CFAP47: variants seen among roughly 807,000 people sequenced by gnomAD.
CFAP47 encodes the protein cilia and flagella associated protein 47.
In CFAP47, 29 loss-of-function variants were observed where a neutral mutation model predicts 148.1. The ratio of observed to expected loss-of-function variants is 0.20; its 90% CI spans 0.15 to 0.27. The LOEUF is 0.27. CFAP47 is among the 10% of genes least tolerant of loss of function. CFAP47 has a pLI of 1.00. For synonymous variants in CFAP47, 664 were observed against 577.3 expected (o/e 1.15, Z -2.15); for missense variants, 1,872 against 1,697.5 (o/e 1.10, Z -1.81).
At chrX:36,063,907 T>C (rs1303578704) in intron 26 of CFAP47, among the ~76,000 whole-genome samples, 1 of 112,215 alleles carries the variant, frequency 8.9e-6, no homozygotes, top group Non-Finnish European at 1.9e-5. Context: ...ACAATTTTTG[T>C]TGTGATTGGG....
At chrX:36,067,974 A>G (rs1393112492) in intron 27 of CFAP47, among the ~76,000 whole-genome samples, 1 of 111,896 alleles carries the variant, frequency 8.9e-6, no homozygotes, top group East Asian at 2.8e-4. Flanking sequence ...TTACAGACTG[A>G]AAATTCATTC....
chrX:36,068,613 G>A (rs1937683797), intron 27 of CFAP47, among the ~76,000 whole-genome samples: 1 of 111,286 alleles, frequency 9.0e-6, no homozygotes, highest in East Asian at 2.8e-4. Flanking sequence ...AGATATATAG[G>A]GAGAGATAGA....
chrX:36,252,718 A>G (rs1940706864), intron 49 of CFAP47, among the ~76,000 whole-genome samples: 1 of 112,004 alleles, frequency 8.9e-6, no homozygotes, highest in Non-Finnish European at 1.9e-5. Flanking sequence ...TTTAATTGTC[A>G]TTGACAGTCC....
rs1188987905 is a variant in CFAP47 at position 35,960,380 on chromosome X, G to GAAAAAAAAAAAAAAAAAAAAAAAAAAAA, written c.1410+4211_1410+4212insAAAAAAAAAAAAAAAAAAAAAAAAAAAA. 2.6e-4 allele frequency among the ~76,000 whole-genome samples: 4 copies of GAAAAAAAAAAAAAAAAAAAAAAAAAAAA among 15,482 alleles called. 1 individual carries two copies. Among genetic ancestry groups the GAAAAAAAAAAAAAAAAAAAAAAAAAAAA allele is most frequent in the Non-Finnish European group, 4.4e-4 (4 of 9,115 alleles). The allele number at this position is 15,482 out of a possible 115,157, so 13.4% of individuals were successfully genotyped here. A position where few individuals can be genotyped will look rare whatever the true frequency, so the allele number is the denominator to read the frequency against. ...CTTTAACATTAGCTTGCTAATTTCT[G>GAAAAAAAAAAAAAAAAAAAAAAAAAAAA]AAAAAAAAAAAAAAAAAAAAAAAAA... On this transcript the variant is annotated intron_variant, in intron 8 of 63. Coordinates refer to ENST00000378653, the MANE Select transcript of CFAP47 (RefSeq NM_001304548.2).
At chrX:36,095,575 T>A (rs1003698821) in intron 30 of CFAP47, among the ~76,000 whole-genome samples, 1 of 111,554 alleles carries the variant, frequency 9.0e-6, no homozygotes, top group Non-Finnish European at 1.9e-5. Context: ...TATTGGTCTG[T>A]TCAGGTTTTG....
intron 57 of CFAP47, among the ~76,000 whole-genome samples, chrX:36,341,581 T>G (rs1467569011): frequency 9.0e-6 from 1 of 111,358 alleles, no homozygotes; most frequent in Non-Finnish European, 1.9e-5. Flanking sequence ...ATTAAAACAC[T>G]GTACAATTTC....
rs1935552013 is a variant in CFAP47, at chrX:35,919,992, CATA to C, written c.197_199del (p.Asn66del). On this transcript the variant is annotated inframe_deletion, in exon 1 of 64. Coordinates refer to ENST00000378653, the MANE Select transcript of CFAP47 (RefSeq NM_001304548.2). Reference sequence around the variant, plus strand: ...GGTGTACCGCCTCCCGATTACTGTGCATAATATTTGCCGCTGGAACCAGAAAAT... The same window carrying C: ...GGTGTACCGCCTCCCGATTACTGTGCATATTTGCCGCTGGAACCAGAAAAT... The C allele has an allele frequency of 7.5e-6, 9 of 1,203,581 alleles. No homozygotes were observed. The highest frequency in any genetic ancestry group is 1.0e-5 in the Non-Finnish European group (9 of 889,892).
chrX:35,954,539 A>T (rs1401749098), intron 7 of CFAP47, among the ~76,000 whole-genome samples: 1 of 111,831 alleles, frequency 8.9e-6, no homozygotes, highest in Non-Finnish European at 1.9e-5. Flanking sequence ...CAGCAATGAG[A>T]ATTCCACATT....
chrX:36,053,462 A>C (rs1015427785), intron 26 of CFAP47, among the ~76,000 whole-genome samples: 19 of 111,684 alleles, frequency 1.7e-4, no homozygotes, highest in African/African-American at 6.2e-4. Flanking sequence ...GGGATGAGTT[A>C]TGCATAATAC....
chrX:35,953,836 A>G (rs1251740775), intron 7 of CFAP47, 117 bp downstream of exon 7: 9 of 517,773 alleles, frequency 1.7e-5, no homozygotes, highest in Non-Finnish European at 2.6e-5. Context: ...AATAGAAAAA[A>G]AAGCAAACAT....
At chrX:36,374,522 C>G (rs1290207951) in intron 62 of CFAP47, among the ~76,000 whole-genome samples, 1 of 110,777 alleles carries the variant, frequency 9.0e-6, no homozygotes, top group East Asian at 2.9e-4. Flanking sequence ...TTTCTATTCT[C>G]TATTTTATTT....
At chrX:36,037,338 TTTGTTGTTGTTG>T (rs768498053) in intron 24 of CFAP47, among the ~76,000 whole-genome samples, 87 of 106,214 alleles carry the variant, frequency 8.2e-4, no homozygotes, top group African/African-American at 2.6e-3. Context: ...AACTTTACTC[TTTGTTGTTGTTG>T]TTGTTGTTGT....
At chrX:35,997,689 C>T (rs1046945165) in intron 19 of CFAP47, among the ~76,000 whole-genome samples, 1 of 111,082 alleles carries the variant, frequency 9.0e-6, no homozygotes, top group Non-Finnish European at 1.9e-5. Context: ...AACCACTTGC[C>T]TAAAATGACA....
At chrX:36,236,146 C>T (rs1940462226) in intron 47 of CFAP47, 69 bp downstream of exon 47, 1 of 364,815 alleles carries the variant, frequency 2.7e-6, no homozygotes, top group Non-Finnish European at 4.8e-6. Context: ...TAATGTATGA[C>T]ATTAGTCTTT....
intron 48 of CFAP47, among the ~76,000 whole-genome samples, chrX:36,239,331 A>G (rs1602063475): frequency 8.9e-6 from 1 of 112,439 alleles, no homozygotes; most frequent in East Asian, 2.8e-4. Flanking sequence ...TCTAAGAAGT[A>G]TATATTTAAG....
At chrX:36,138,526 C>G (rs940521127) in intron 35 of CFAP47, 62 bp downstream of exon 35, 26 of 1,050,867 alleles carry the variant, frequency 2.5e-5, no homozygotes, top group Non-Finnish European at 3.0e-5. Flanking sequence ...ATAGCTTGCT[C>G]ATTTATAATA....
At chrX:36,292,207 G>A (rs1404718109) in intron 51 of CFAP47, among the ~76,000 whole-genome samples, 1 of 110,992 alleles carries the variant, frequency 9.0e-6, no homozygotes, top group Non-Finnish European at 1.9e-5. Context: ...GGATTGGGGT[G>A]GGTATAAGGC....
intron 29 of CFAP47, 47 bp from the exon 30 acceptor site, chrX:36,085,258 TCCCCCATAC>T: frequency 2.8e-6 from 2 of 723,175 alleles, no homozygotes; most frequent in African/African-American, 4.3e-5. Flanking sequence ...TGTTTTTTTT[TCCCCCATAC>T]TATAACATTT....
Position 36,306,873 on chromosome X carries a change from T to A in CFAP47, c.8184T>A (p.Thr2728=). 9.4e-7 allele frequency: 1 copy of A among 1,060,451 alleles called. No individual in the cohort carries two copies. 87.4% of individuals were successfully genotyped at this position (1,060,451 alleles called of 1,213,427 possible). ...AAGCTTGCATCAACTTCTACTGTAC[T>A]CAGGTATGATAGAGTATTCTTGGAC... is the stretch of plus-strand genomic sequence containing the variant. ...DHQACINFYC[T]QFTEWKFYLS... The change falls in exon 55 of 64, where the codon ACT becomes ACA. Residue 2728 remains threonine (T), a synonymous_variant. Coordinates refer to ENST00000378653, the MANE Select transcript of CFAP47 (RefSeq NM_001304548.2).
Sources: gnomAD v4.1 joint callset for allele counts (sites outside exome capture counted in the v4.1 genomes callset) on GRCh38, gnomAD v4.1.1 for gene constraint, MANE v1.5 for transcripts, NCBI Gene and HGNC (gene_info 2026-07-23, HGNC 2026-07-21) for gene names.